The following OPA1 variants were observed in gnomAD, a reference collection of about 807,000 sequenced individuals.
OPA1 encodes the protein OPA1 mitochondrial dynamin like GTPase.
OPA1 carries 59 observed loss-of-function variants against 152.9 expected under a neutral mutation model. The ratio of observed to expected loss-of-function variants is 0.39; its 90% confidence interval spans 0.31 to 0.48. OPA1 has a LOEUF of 0.48. OPA1 is among the 20% of genes least tolerant of loss of function. The probability of loss-of-function intolerance (pLI) is 0.96; values close to 1 mark genes in which losing one functional copy is unlikely to be tolerated. For missense variants in OPA1, 1,008 were observed against 1,216.8 expected (o/e 0.83, Z 2.55); for synonymous variants, 400 against 389.9 (o/e 1.03, Z -0.31).
At chr3:193,620,980 C>T (rs1043615703) in intron 6 of OPA1, among the ~76,000 whole-genome samples, 1 of 152,178 alleles carries the variant, frequency 6.6e-6, no homozygotes, top group East Asian at 1.9e-4. Context: ...GGGCAATAAT[C>T]AGAGGTGGTA....
chr3:193,615,770 G>T lies in OPA1; in HGVS notation c.448G>T (p.Glu150Ter). 6.3e-7 allele frequency: 1 copy of T among 1,583,840 alleles called. No homozygotes were observed. Among genetic ancestry groups the T allele is most frequent in the South Asian group, 1.1e-5 (1 of 90,450 alleles). The change falls in exon 3 of 31, where the codon GAG (glutamate) becomes TAG (stop). Residue 150 changes from glutamate to a stop codon, truncating the protein, a stop_gained and splice_region_variant. Transcript: ENST00000361510. LOFTEE classifies it high-confidence loss of function. ...VWEIDEYIDF[E>*]KIRKALPSSE... ...GGAAATTGATGAGTATATCGATTTT[G>T]GTTTGTATCATGAACATTAAAATAC... is the stretch of plus-strand genomic sequence containing the variant.
intron 29 of OPA1, among the ~76,000 whole-genome samples, chr3:193,684,320 G>A (rs1490349469): frequency 6.6e-6 from 1 of 152,112 alleles, no homozygotes; most frequent in Admixed American, 6.5e-5. Context: ...TGAACTGTAT[G>A]TCCTCCATAC....
rs1281897308 is a variant in OPA1, at chr3:193,643,444, T to G, written c.1377T>G (p.Asn459Lys). ...TTGTTGACTTACCAGGTGTGATTAA[T>G]GTAAGTATATACAAAACATGTATTT... ...MVLVDLPGVI[N>K]TVTSGMAPDT... The change falls in exon 14 of 31, where the codon AAT becomes AAG. Residue 459 changes from asparagine to lysine, a missense_variant and splice_region_variant. This residue lies in a region of OPA1 where 213 missense variants were observed against 291.4 expected (regional missense o/e 0.73). Transcript: ENST00000361510. 6.2e-7 allele frequency: 1 copy of G among 1,608,582 alleles called. No homozygotes were observed. The highest frequency in any genetic ancestry group is 8.5e-7 in the Non-Finnish European group (1 of 1,175,042).
chr3:193,613,985 G>A (rs909442421), intron 1 of OPA1: 2 of 518,778 alleles, frequency 3.9e-6, no homozygotes, highest in African/African-American at 3.9e-5. Context: ...TAGTAAGCAA[G>A]CAACTATGTA....
At chr3:193,684,444 AC>A (rs1432304267) in intron 29 of OPA1, among the ~76,000 whole-genome samples, 1 of 133,598 alleles carries the variant, frequency 7.5e-6, no homozygotes, top group African/African-American at 2.9e-5. Flanking sequence ...GAATGGTACT[AC>A]CTTTTTTTTT....
At chr3:193,630,049 T>G (rs1415402971) in intron 7 of OPA1, among the ~76,000 whole-genome samples, 1 of 152,236 alleles carries the variant, frequency 6.6e-6, no homozygotes, top group African/African-American at 2.4e-5. Context: ...CAATTTTTTA[T>G]GACCACACTA....
chr3:193,670,454 C>T (rs897995906), intron 29 of OPA1, among the ~76,000 whole-genome samples: 3 of 150,164 alleles, frequency 2.0e-5, no homozygotes, highest in Non-Finnish European at 3.0e-5. Flanking sequence ...GGCACGATCT[C>T]GGCTCACTGC....
intron 22 of OPA1, 69 bp downstream of exon 22, chr3:193,655,096 A>T (rs1713464913): frequency 7.1e-7 from 1 of 1,403,820 alleles, no homozygotes; most frequent in Non-Finnish European, 1.0e-6. Flanking sequence ...TGAATTTTAG[A>T]TTTTATTCCC....
At chr3:193,617,318 AT>A in intron 4 of OPA1, 33 bp downstream of exon 4, 1 of 1,326,914 alleles carries the variant, frequency 7.5e-7, no homozygotes, top group Non-Finnish European at 1.1e-6. Context: ...TAATTTAAAA[AT>A]TTAAGAACCA....
rs1249308800 is a variant in OPA1 at position 193,694,951 on chromosome 3, G to A, written c.*351G>A. On this transcript the variant is annotated 3_prime_UTR_variant, in exon 31 of 31. Coordinates refer to ENST00000361510, the MANE Select transcript of OPA1 (RefSeq NM_130837.3). ...AATGGATTAACTGAGGTTGCTCAAT[G>A]TTCAGTTTCTTTTCCAGAAATACAA... 2 of 152,156 alleles carry A rather than the reference G, an allele frequency of 1.3e-5. No individual in the cohort carries two copies. Among genetic ancestry groups the A allele is most frequent in the African/African-American group, 2.4e-5 (1 of 41,442 alleles). The allele number at this position is 152,156 out of a possible 1,614,324, so 9.4% of individuals were successfully genotyped here.
At chr3:193,607,181 G>A (rs1042765687) in intron 1 of OPA1, among the ~76,000 whole-genome samples, 5 of 152,194 alleles carry the variant, frequency 3.3e-5, no homozygotes, top group South Asian at 2.1e-4. Context: ...TTTGTCAGAT[G>A]AGAAGTTTCA....
At chr3:193,646,916 T>C (rs1479424760) in intron 18 of OPA1, 149 bp from the exon 19 acceptor site, 5 of 601,874 alleles carry the variant, frequency 8.3e-6, no homozygotes, top group Non-Finnish European at 1.5e-5. Context: ...TATTGGAATG[T>C]TTTCCTCCTC....
chr3:193,672,842 C>T (rs1244705920), intron 29 of OPA1, among the ~76,000 whole-genome samples: 2 of 148,730 alleles, frequency 1.3e-5, no homozygotes, highest in Non-Finnish European at 3.0e-5. Context: ...GCATTCCAGC[C>T]TGGGTAACAG....
At position 193,593,307 on chromosome 3, in the gene OPA1, G is replaced by A. The variant is rs1724933448; in HGVS notation, c.-71G>A. 29 of 1,485,556 alleles carry A rather than the reference G, an allele frequency of 2.0e-5. No homozygotes were observed. In the South Asian group the frequency reaches 3.5e-4, roughly 18 times the overall value. The allele number at this position is 1,485,556 out of a possible 1,614,324, so 92.0% of individuals were successfully genotyped here. A position where few individuals can be genotyped will look rare whatever the true frequency, so the allele number is the denominator to read the frequency against. ...TTCCTGGGTCATTCCTGGACCGGGA[G>A]CCGGGCTGGGGCTCACACGGGGGCT... On this transcript the variant is annotated 5_prime_UTR_variant, in exon 1 of 31. Coordinates refer to ENST00000361510, the MANE Select transcript of OPA1 (RefSeq NM_130837.3).
At chr3:193,631,894 T>A in intron 8 of OPA1, 1 of 576,770 alleles carries the variant, frequency 1.7e-6, no homozygotes, top group Non-Finnish European at 3.1e-6. Flanking sequence ...TTTGAGTGAA[T>A]CTTATGCCCA....
At chr3:193,642,040 C>T (rs375317692) in intron 11 of OPA1, among the ~76,000 whole-genome samples, 9 of 152,312 alleles carry the variant, frequency 5.9e-5, no homozygotes, top group Non-Finnish European at 8.8e-5. Flanking sequence ...CACCTGAAAC[C>T]GCGAAGTGGA....
At chr3:193,663,422 G>A (rs1715772932) in intron 26 of OPA1, among the ~76,000 whole-genome samples, 1 of 152,066 alleles carries the variant, frequency 6.6e-6, no homozygotes, top group African/African-American at 2.4e-5. Flanking sequence ...TGACCATTGA[G>A]TTCTTTCTCC....
intron 6 of OPA1, among the ~76,000 whole-genome samples, chr3:193,619,974 T>C (rs1729749941): frequency 6.6e-6 from 1 of 152,218 alleles, no homozygotes; most frequent in Admixed American, 6.5e-5. Context: ...TCAAAATGTA[T>C]GTACGTGTAT....
Position 193,604,448 on chromosome 3 carries a change from C to T in OPA1, c.33-10275C>T, listed in dbSNP as rs560356332. ...GCAATATCCTGCAAGCCTAAGAAAG[C>T]CTTTTGTCTTTTGGTTGCAGGTCGA... On this transcript the variant is annotated intron_variant, in intron 1 of 30. Coordinates refer to ENST00000361510, the MANE Select transcript of OPA1 (RefSeq NM_130837.3). 1.1e-4 allele frequency among the ~76,000 whole-genome samples: 17 copies of T among 152,264 alleles called. No individual in the cohort carries two copies. In the South Asian group the frequency reaches 3.3e-3, roughly 30 times the overall value.
Sources: allele counts gnomAD v4.1 joint callset (sites outside exome capture counted in the v4.1 genomes callset), GRCh38; gene constraint gnomAD v4.1.1; regional missense constraint gnomAD v4.1.1; transcripts MANE v1.5; gene names NCBI Gene and HGNC (gene_info 2026-07-23, HGNC 2026-07-21).